SUPT3H: variants seen among roughly 807,000 people sequenced by gnomAD.
SUPT3H encodes the protein transcription initiation protein SPT3 homolog.
A neutral mutation model predicts 44.3 loss-of-function variants in SUPT3H; 44 were observed. That is an observed-to-expected ratio of 0.99 (90% confidence interval 0.78 to 1.28). The LOEUF is 1.28. SUPT3H is among the 50% of genes most tolerant of loss of function. The pLI is 0.00. For missense variants in SUPT3H, 380 were observed against 387.1 expected, an observed-to-expected ratio of 0.98 and a Z score of 0.15; for synonymous variants, 124 against 125.6, an observed-to-expected ratio of 0.99 and a Z score of 0.09.
At chr6:45,310,371 AC>A (rs1441142381) in intron 2 of SUPT3H, among the ~76,000 whole-genome samples, 1 of 152,062 alleles carries the variant, frequency 6.6e-6, no homozygotes, top group African/African-American at 2.4e-5. Context: ...CAAAGGACAT[AC>A]AATCCTGGGA....
At chr6:45,330,322 T>A (rs1437955653) in intron 2 of SUPT3H, among the ~76,000 whole-genome samples, 1 of 151,916 alleles carries the variant, frequency 6.6e-6, no homozygotes, top group East Asian at 1.9e-4. Flanking sequence ...AATTACAGCT[T>A]ATACATCGAA....
chr6:44,929,769 CT>C (rs35174513), intron 10 of SUPT3H, among the ~76,000 whole-genome samples: 272 of 143,878 alleles, frequency 1.9e-3, no homozygotes, highest in Admixed American at 4.5e-3. Flanking sequence ...CATGAGCTCC[CT>C]TTTTTTTTTT....
chr6:45,125,960 A>G (rs988914437), intron 2 of SUPT3H, among the ~76,000 whole-genome samples: 4 of 152,158 alleles, frequency 2.6e-5, no homozygotes, highest in Non-Finnish European at 5.9e-5. Flanking sequence ...AAGTTTTGAA[A>G]AAGGAGATTC....
chr6:44,940,422 A>C (rs1272024404), intron 9 of SUPT3H, among the ~76,000 whole-genome samples: 1 of 151,940 alleles, frequency 6.6e-6, no homozygotes, highest in Non-Finnish European at 1.5e-5. Context: ...GATTTTAAAA[A>C]TCTCTTAAGA....
At position 44,828,780 on chromosome 6, in the gene SUPT3H, T is replaced by TC. The variant is rs1768095375; in HGVS notation, c.*1035dup. On this transcript the variant is annotated 3_prime_UTR_variant, in exon 11 of 11. Transcript: ENST00000371459. The stretch of plus-strand genomic sequence containing the variant: ...TTATTAATTCTTTAGAAAGAGTGTT[T>TC]CAAGTATGTGTAAAAACCATAAAAG... 1 of 152,526 alleles carries TC rather than the reference T, an allele frequency of 6.6e-6. No individual in the cohort carries two copies. Among genetic ancestry groups the TC allele is most frequent in the Admixed American group, 6.5e-5 (1 of 15,268 alleles). The allele number at this position is 152,526 out of a possible 1,614,324, so 9.4% of individuals were successfully genotyped here.
intron 3 of SUPT3H, among the ~76,000 whole-genome samples, chr6:45,052,662 C>T (rs1790480921): frequency 6.6e-6 from 1 of 152,118 alleles, no homozygotes. Context: ...CCCATTATTA[C>T]CAACAGACAT....
At chr6:44,881,677 T>C (rs1285725849) in intron 10 of SUPT3H, among the ~76,000 whole-genome samples, 1 of 151,656 alleles carries the variant, frequency 6.6e-6, no homozygotes, top group Non-Finnish European at 1.5e-5. Context: ...ACGGAAATCA[T>C]AAACAGCCTC....
chr6:45,321,714 A>G (rs2150037103), intron 2 of SUPT3H: 3 of 981,598 alleles, frequency 3.1e-6, no homozygotes, highest in East Asian at 2.7e-5. Context: ...TAAACAATCT[A>G]TTTGTATCTA....
intron 2 of SUPT3H, among the ~76,000 whole-genome samples, chr6:45,210,338 A>G (rs1445170016): frequency 1.3e-5 from 2 of 152,196 alleles, no homozygotes; most frequent in Non-Finnish European, 2.9e-5. Flanking sequence ...CACCTAGGAC[A>G]AATGCATATC....
chr6:45,377,753 C>G lies in SUPT3H; in HGVS notation c.-1+15G>C, dbSNP rs1465830291. On this transcript the variant is annotated intron_variant, in intron 1 of 10. Coordinates refer to ENST00000371459, the MANE Select transcript of SUPT3H (RefSeq NM_003599.4). ...CCGCCCGAATCCCCGCACCGCCCCC[C>G]GCAAGCCCTACAACCTCTGCTTTAA... The G allele has an allele frequency of 5.2e-5, 8 of 152,384 alleles. No homozygotes were observed. The East Asian group carries it at 5.8e-4, about 11-fold the overall frequency. 9.4% of individuals were successfully genotyped at this position (152,384 alleles called of 1,614,324 possible).
intron 1 of SUPT3H, among the ~76,000 whole-genome samples, chr6:45,373,897 T>C (rs1233966726): frequency 2.6e-5 from 4 of 152,222 alleles, no homozygotes; most frequent in Non-Finnish European, 5.9e-5. Context: ...TCTTCAGTAA[T>C]AGTGCCTATT....
chr6:45,355,871 TATTA>T (rs1296141300), intron 2 of SUPT3H, among the ~76,000 whole-genome samples: 1 of 152,168 alleles, frequency 6.6e-6, no homozygotes, highest in East Asian at 1.9e-4. Flanking sequence ...AATAAATAAA[TATTA>T]ATTGATTGCC....
At chr6:45,063,782 A>G (rs1430810260) in intron 3 of SUPT3H, among the ~76,000 whole-genome samples, 1 of 142,308 alleles carries the variant, frequency 7.0e-6, no homozygotes. Context: ...AGAAATGAGC[A>G]AAGCCTCCAA....
At chr6:45,068,260 C>T (rs1245986156) in intron 3 of SUPT3H, among the ~76,000 whole-genome samples, 1 of 139,810 alleles carries the variant, frequency 7.2e-6, no homozygotes, top group Non-Finnish European at 1.5e-5. Flanking sequence ...GGGAATTGAA[C>T]AATGAGATCA....
rs143702319 is a variant in SUPT3H, at chr6:44,869,251, C to T, written c.913-39394G>A. Reference sequence around the variant, plus strand: ...CTCCTTGGAAAGACAAATAGCATATCACACCCCAAAGGCTGTGACAATACT... The same window carrying T: ...CTCCTTGGAAAGACAAATAGCATATTACACCCCAAAGGCTGTGACAATACT... On this transcript the variant is annotated intron_variant, in intron 10 of 10. Transcript: ENST00000371459. Among the ~76,000 whole-genome samples, 44 of 151,964 alleles carry T rather than the reference C, an allele frequency of 2.9e-4. 1 individual carries two copies. The East Asian group carries it at 8.5e-3, about 29-fold the overall frequency.
intron 10 of SUPT3H, among the ~76,000 whole-genome samples, chr6:44,899,920 C>T (rs1764700737): frequency 6.6e-6 from 1 of 152,148 alleles, no homozygotes; most frequent in Admixed American, 6.5e-5. Flanking sequence ...ATGGAGACAA[C>T]CTTCAAGTGA....
At chr6:45,341,894 G>A (rs572673532) in intron 2 of SUPT3H, among the ~76,000 whole-genome samples, 108 of 152,220 alleles carry the variant, frequency 7.1e-4, no homozygotes, top group African/African-American at 2.6e-3. Flanking sequence ...CTAAAAAGAT[G>A]TATGAAGATA....
chr6:45,007,879 C>T (rs1475048553), intron 5 of SUPT3H, among the ~76,000 whole-genome samples: 8 of 152,094 alleles, frequency 5.3e-5, no homozygotes, highest in Non-Finnish European at 1.5e-5. Flanking sequence ...CACTACTCTA[C>T]ACTCCATCTC....
chr6:44,964,586 A>G (rs1171546916), intron 6 of SUPT3H, among the ~76,000 whole-genome samples: 1 of 152,312 alleles, frequency 6.6e-6, no homozygotes, highest in South Asian at 2.1e-4. Context: ...CATGTGAAAG[A>G]CTAAATTATG....
Sources: allele counts gnomAD v4.1 joint callset (sites outside exome capture counted in the v4.1 genomes callset), GRCh38; gene constraint gnomAD v4.1.1; transcripts MANE v1.5; gene names NCBI Gene and HGNC (gene_info 2026-07-23, HGNC 2026-07-21).